Variants in TBL2 observed in about 807,000 individuals in gnomAD.
The protein encoded by TBL2 is transducin beta-like protein 2.
Under a neutral mutation model 41.8 loss-of-function variants are expected in TBL2, and 33 were observed. The observed-to-expected ratio is 0.79, with a 90% confidence interval of 0.60 to 1.06. The LOEUF is 1.06. Among genes scored for constraint, TBL2 ranks in the 50% least tolerant of loss-of-function variants. The probability of loss-of-function intolerance (pLI) is 0.00; values close to 1 mark genes in which losing one functional copy is unlikely to be tolerated. For synonymous variants in TBL2, 239 were observed against 241.7 expected, an observed-to-expected ratio of 0.99 and a Z score of 0.10; for missense variants, 522 against 603.8, an observed-to-expected ratio of 0.86 and a Z score of 1.42.
At position 73,570,750 on chromosome 7, in the gene TBL2, G is replaced by C; in HGVS notation, c.1101C>G (p.Cys367Trp). Residue 367 changes from cysteine (C) to tryptophan (W), a missense_variant, in exon 7 of 7, where the codon TGC becomes TGG. Cys to Trp is a radical substitution (Grantham distance 215, BLOSUM62 -2). Transcript: ENST00000305632. ...YNTRRGEKEE[C>W]FERVHGECIA... is the part of the protein sequence containing the mutation. ...TACACTCGCCATGGACCCGCTCAAA[G>C]CACTCCTCCTTCTCGCCCCGCCGGG... 6.2e-7 allele frequency: 1 copy of C among 1,614,210 alleles called. No individual in the cohort carries two copies. Among genetic ancestry groups the C allele is most frequent in the Non-Finnish European group, 8.5e-7 (1 of 1,180,046 alleles).
chr7:73,571,703 C>CTGAGAT (rs1792966217), intron 5 of TBL2: 2 of 238,278 alleles, frequency 8.4e-6, no homozygotes, highest in South Asian at 1.1e-4. Context: ...TTGCAGTGAG[C>CTGAGAT]TGAGATTGAG....
chr7:73,575,116 T>TTTTTC (rs1793223967), intron 1 of TBL2, among the ~76,000 whole-genome samples: 1 of 151,962 alleles, frequency 6.6e-6, no homozygotes, highest in Non-Finnish European at 1.5e-5. Context: ...CTTGGTTTTT[T>TTTTTC]TTTTCTTTTC....
chr7:73,567,962 A>G lies in TBL2; in HGVS notation c.*2545T>C, dbSNP rs1233235504. Among the ~76,000 whole-genome samples the G allele has an allele frequency of 2.6e-5, 4 of 152,324 alleles. No individual in the cohort carries two copies. The highest frequency in any genetic ancestry group is 5.9e-5 in the Non-Finnish European group (4 of 68,026). On this transcript the variant is annotated 3_prime_UTR_variant, in exon 7 of 7. Transcript: ENST00000305632. ...CTGCCACTTCCTGTCCTGGATACAC[A>G]ACGGGAGTAATGCCAGAGCTGCTTC...
chr7:73,574,559 A>C (rs1793174999), intron 1 of TBL2, 46 bp from the exon 2 acceptor site: 2 of 1,613,740 alleles, frequency 1.2e-6, no homozygotes, highest in Non-Finnish European at 1.7e-6. Context: ...ACTGATAAGC[A>C]TTTACTGCCC....
chr7:73,568,449 C>A lies in TBL2; in HGVS notation c.*2058G>T, dbSNP rs148762597. ...TCCTGAATAAGTAGCAGCCACCCCC[C>A]ATCCTGCAGGCAGGACACAAGCCCG... On this transcript the variant is annotated 3_prime_UTR_variant, in exon 7 of 7. Transcript: ENST00000305632. Among the ~76,000 whole-genome samples, 2 of 152,170 alleles carry A rather than the reference C, an allele frequency of 1.3e-5. No individual in the cohort carries two copies. Among genetic ancestry groups the A allele is most frequent in the Non-Finnish European group, 2.9e-5 (2 of 68,032 alleles).
rs782374340 is a variant in TBL2, at chr7:73,570,577, C to T, written c.1274G>A (p.Arg425His). ...HLKRASNEST[R>H]QRLQQQLTQA... is the part of the protein sequence containing the mutation. ...GGTCAGCTGCTGCTGCAGCCTCTGG[C>T]GGGTGCTCTCGTTGGAGGCCCGCTT... Residue 425 changes from arginine to histidine, a missense_variant, in exon 7 of 7, where the codon CGC becomes CAC. Arg to His is a conservative substitution (Grantham distance 29, BLOSUM62 0). Coordinates refer to ENST00000305632, the MANE Select transcript of TBL2 (RefSeq NM_012453.4). 7 of 1,609,018 alleles carry T rather than the reference C, an allele frequency of 4.4e-6. No individual in the cohort carries two copies. The highest frequency in any genetic ancestry group is 1.7e-5 in the Admixed American group (1 of 59,186).
chr7:73,576,774 C>A (rs1250687825), intron 1 of TBL2: 1 of 454,520 alleles, frequency 2.2e-6, no homozygotes, highest in Non-Finnish European at 4.4e-6. Flanking sequence ...CCCCCCTCCT[C>A]ACACTTAAGT....
In TBL2 at chr7:73,568,494, C is replaced by T. The variant is rs1340356509; in HGVS notation, c.*2013G>A. 1.3e-5 allele frequency among the ~76,000 whole-genome samples: 2 copies of T among 152,168 alleles called. No individual in the cohort carries two copies. Among genetic ancestry groups the T allele is most frequent in the East Asian group, 3.9e-4 (2 of 5,190 alleles). ...AGCCCGCCCTCCAGCTCACTTCTGT[C>T]CCCACCTTCTACTGCCTTACACCCA... is the stretch of plus-strand genomic sequence containing the variant. On this transcript the variant is annotated 3_prime_UTR_variant, in exon 7 of 7. Transcript: ENST00000305632.
intron 6 of TBL2, 41 bp from the exon 7 acceptor site, chr7:73,571,013 T>C (rs1232614485): frequency 6.4e-7 from 1 of 1,572,010 alleles, no homozygotes; most frequent in Non-Finnish European, 8.6e-7. Context: ...CAACACACCC[T>C]GGCAGGGTAA....
chr7:73,578,023 A>G, intron 1 of TBL2: 1 of 498,412 alleles, frequency 2.0e-6, no homozygotes, highest in Non-Finnish European at 3.5e-6. Context: ...TGGACTCCTT[A>G]CAGAAAAAGA....
intron 1 of TBL2, 22 bp downstream of exon 1, chr7:73,578,398 C>A (rs928525601): frequency 1.3e-6 from 2 of 1,525,238 alleles, no homozygotes; most frequent in Admixed American, 2.1e-5. Flanking sequence ...GGGCCGCCCC[C>A]ACCCGACCCG....
intron 5 of TBL2, 84 bp downstream of exon 5, chr7:73,572,760 C>A: frequency 6.3e-7 from 1 of 1,592,216 alleles, no homozygotes; most frequent in Non-Finnish European, 8.6e-7. Context: ...TCTTCCCACG[C>A]GATGAAGCTG....
intron 6 of TBL2, 104 bp from the exon 7 acceptor site, chr7:73,571,076 C>A: frequency 8.3e-6 from 13 of 1,573,408 alleles, no homozygotes; most frequent in Non-Finnish European, 1.1e-5. Flanking sequence ...AGCTTCCTGC[C>A]GAGGGCCAGG....
intron 2 of TBL2, 118 bp downstream of exon 2, chr7:73,574,255 ACAGAATTAAG>A: frequency 6.6e-7 from 1 of 1,517,560 alleles, no homozygotes; most frequent in South Asian, 1.3e-5. Context: ...ATGAGAGGGG[ACAGAATTAAG>A]CACCCCCGCT....
chr7:73,574,331 A>G (rs1336147223), intron 2 of TBL2, 52 bp downstream of exon 2: 1 of 1,607,844 alleles, frequency 6.2e-7, no homozygotes, highest in Admixed American at 1.7e-5. Flanking sequence ...CCAGAGGAAA[A>G]GCCTGTGGGG....
intron 4 of TBL2, 31 bp from the exon 5 acceptor site, chr7:73,573,001 G>A (rs1554588068): frequency 6.2e-7 from 1 of 1,613,594 alleles, no homozygotes. Context: ...GTGGGTCACG[G>A]GCAGTGACCT....
chr7:73,578,362 G>T (rs997819622), intron 1 of TBL2, 58 bp downstream of exon 1: 6 of 1,528,896 alleles, frequency 3.9e-6, no homozygotes, highest in Non-Finnish European at 5.3e-6. Flanking sequence ...GTCGGACCAC[G>T]AGGAGGCCGG....
rs1489819721 is a variant in TBL2, at chr7:73,571,427, T to C, written c.726-86A>G. ...CCCCTCAATCTCTTTCCTGAGAAAG[T>C]TGATAATCCTCATATCTGGATAATA... On this transcript the variant is annotated intron_variant, in intron 5 of 6. Transcript: ENST00000305632. 3.1e-5 allele frequency: 48 copies of C among 1,562,224 alleles called. 1 individual carries two copies. The East Asian group carries it at 5.2e-4, about 17-fold the overall frequency.
At chr7:73,575,285 C>A (rs1361588755) in intron 1 of TBL2, among the ~76,000 whole-genome samples, 1 of 149,074 alleles carries the variant, frequency 6.7e-6, no homozygotes, top group Admixed American at 6.7e-5. Flanking sequence ...ACCACCATAT[C>A]CAGCTAATTT....
Sources: gnomAD v4.1 joint callset for allele counts (sites outside exome capture counted in the v4.1 genomes callset) on GRCh38, gnomAD v4.1.1 for gene constraint, MANE v1.5 for transcripts, NCBI Gene and HGNC (gene_info 2026-07-23, HGNC 2026-07-21) for gene names.